Variants in DNAH10 observed in about 807,000 individuals in gnomAD.
The protein encoded by DNAH10 is dynein axonemal heavy chain 10, also known as axonemal beta dynein heavy chain 10.
DNAH10 carries 348 observed loss-of-function variants against 506.6 expected under a neutral mutation model. The ratio of observed to expected loss-of-function variants is 0.69; its 90% CI spans 0.63 to 0.75. The LOEUF (loss-of-function observed/expected upper bound fraction) is 0.75, where lower values mean the gene tolerates loss of function less well. DNAH10 is among the 30% of genes least tolerant of loss of function. The pLI, the probability that DNAH10 is intolerant of heterozygous loss-of-function variation, is 0.00. For synonymous variants in DNAH10, 2,059 were observed against 2,198.6 expected, an observed-to-expected ratio of 0.94 and a Z score of 1.78; for missense variants, 5,179 against 5,787.1, an observed-to-expected ratio of 0.89 and a Z score of 3.41.
At chr12:123,921,691 GTTTTTTTTTTTTTTTTTTTTTTTTTTTT>G (rs35553163) in intron 65 of DNAH10, among the ~76,000 whole-genome samples, 2 of 62,836 alleles carry the variant, frequency 3.2e-5, no homozygotes, top group Non-Finnish European at 5.7e-5. Flanking sequence ...GTAGCTTGCA[GTTTTTTTTTTTTTTTTTTTTTTTTTTTT>G]TTTTTTTTTT....
chr12:123,915,108 G>A, intron 62 of DNAH10, 109 bp downstream of exon 62: 1 of 1,385,412 alleles, frequency 7.2e-7, no homozygotes, highest in Non-Finnish European at 9.5e-7. Context: ...AGGCTGGGCT[G>A]AAATGCTTCC....
chr12:123,764,102 G>A (rs889336010), intron 1 of DNAH10, among the ~76,000 whole-genome samples: 1 of 152,278 alleles, frequency 6.6e-6, no homozygotes, highest in Admixed American at 6.5e-5. Context: ...CTGACCTAAA[G>A]TGATCTGCCC....
At chr12:123,789,090 A>T (rs1401687498) in intron 10 of DNAH10, among the ~76,000 whole-genome samples, 1 of 151,958 alleles carries the variant, frequency 6.6e-6, no homozygotes, top group Non-Finnish European at 1.5e-5. Context: ...TCTATGAAAA[A>T]TACAAAAATT....
At chr12:123,861,294 G>A in intron 39 of DNAH10, 124 bp downstream of exon 39, 1 of 1,256,894 alleles carries the variant, frequency 8.0e-7, no homozygotes, top group Non-Finnish European at 1.1e-6. Flanking sequence ...TTAGAGTCCA[G>A]TCTTGGAGGC....
At chr12:123,821,898 G>A (rs931296437) in intron 24 of DNAH10, among the ~76,000 whole-genome samples, 32 of 150,898 alleles carry the variant, frequency 2.1e-4, no homozygotes, top group African/African-American at 7.1e-4. Flanking sequence ...GCGAAACCCC[G>A]TTTCTACTAA....
chr12:123,862,851 A>T (rs1030121646), intron 39 of DNAH10, among the ~76,000 whole-genome samples: 4 of 152,300 alleles, frequency 2.6e-5, no homozygotes, highest in African/African-American at 9.6e-5. Flanking sequence ...GCTTATTCTT[A>T]GGAAATACTT....
intron 5 of DNAH10, among the ~76,000 whole-genome samples, chr12:123,778,694 T>A (rs1480079076): frequency 2.7e-5 from 4 of 150,082 alleles, no homozygotes; most frequent in African/African-American, 9.8e-5. Flanking sequence ...AGACTCCATC[T>A]CAAAAAAAAA....
intron 57 of DNAH10, among the ~76,000 whole-genome samples, chr12:123,905,718 G>A (rs192238120): frequency 6.6e-6 from 1 of 151,970 alleles, no homozygotes; most frequent in African/African-American, 2.4e-5. Flanking sequence ...TTGGGTCGTG[G>A]TTATTGTTGC....
chr12:123,874,261 G>GTCCATCCATCCATCCA (rs770389559), intron 46 of DNAH10, among the ~76,000 whole-genome samples: 1 of 123,102 alleles, frequency 8.1e-6, no homozygotes, highest in Non-Finnish European at 1.6e-5. Context: ...GCCAGAGTCC[G>GTCCATCCATCCATCCA]TCCGTCCATC....
At chr12:123,800,597 G>C (rs1272318477) in intron 15 of DNAH10, among the ~76,000 whole-genome samples, 1 of 150,322 alleles carries the variant, frequency 6.7e-6, no homozygotes, top group Non-Finnish European at 1.5e-5. Flanking sequence ...TAGGTGGGAG[G>C]ATTCCTTGAA....
Position 123,917,658 on chromosome 12 carries a change from C to T in DNAH10, c.11077C>T (p.Arg3693Trp), listed in dbSNP as rs61733847. 4.8e-4 allele frequency: 742 copies of T among 1,551,764 alleles called. 4 individuals carry two copies. The African/African-American group carries it at 8.9e-3, about 19-fold the overall frequency. Residue 3693 changes from arginine (R) to tryptophan (W), a missense_variant, in exon 64 of 79, where the codon CGG becomes TGG. Coordinates refer to ENST00000673944, the MANE Select transcript of DNAH10 (RefSeq NM_001372106.1). This position sits in a 1 kb window ranked among gnomAD's most constrained non-coding sequence, Gnocchi z 5.6. The stretch of plus-strand genomic sequence containing the variant: ...CGAGAGGCGGGAGCTGGAGGAGCAG[C>T]GGGAGCACCTCATCCAGGAGACCAG... ...AYERRELEEQ[R>W]EHLIQETSEN...
intron 14 of DNAH10, 32 bp from the exon 15 acceptor site, chr12:123,800,184 C>T: frequency 6.2e-7 from 1 of 1,605,708 alleles, no homozygotes; most frequent in Non-Finnish European, 8.5e-7. Flanking sequence ...TTGGACTGCC[C>T]TGGCCGCGCT....
At chr12:123,818,913 TTTG>T in intron 21 of DNAH10, 34 bp from the exon 22 acceptor site, 2 of 1,373,760 alleles carry the variant, frequency 1.5e-6, no homozygotes, top group Non-Finnish European at 1.0e-6. Flanking sequence ...TTGCTCATCA[TTTG>T]TTGTTTATTC....
At chr12:123,797,854 A>G (rs1958339264) in intron 13 of DNAH10, among the ~76,000 whole-genome samples, 1 of 152,240 alleles carries the variant, frequency 6.6e-6, no homozygotes. Context: ...TATGTTATAT[A>G]GCAGAGGCTG....
At chr12:123,849,023 T>C (rs367916240) in intron 34 of DNAH10, 141 bp downstream of exon 34, 13 of 1,067,920 alleles carry the variant, frequency 1.2e-5, no homozygotes, top group African/African-American at 1.6e-5. Flanking sequence ...GTTTTTCCAA[T>C]TGAGATGATT....
intron 5 of DNAH10, 78 bp from the exon 6 acceptor site, chr12:123,781,002 C>A: frequency 6.5e-5 from 58 of 887,864 alleles, no homozygotes; most frequent in East Asian, 1.9e-4. Flanking sequence ...AAAGAATATT[C>A]AAAACCAGAG....
intron 65 of DNAH10, among the ~76,000 whole-genome samples, chr12:123,920,915 G>A (rs1228917780): frequency 6.6e-6 from 1 of 152,148 alleles, no homozygotes; most frequent in Non-Finnish European, 1.5e-5. Flanking sequence ...GACTACAGGT[G>A]CATGCCACCA....
At chr12:123,910,717 A>G (rs1394907901) in intron 59 of DNAH10, 45 bp downstream of exon 59, 1 of 1,599,588 alleles carries the variant, frequency 6.3e-7, no homozygotes. Context: ...CAAGGGACCC[A>G]TTCAGAGTCA....
At chr12:123,870,636 C>G (rs1463939507) in intron 44 of DNAH10, among the ~76,000 whole-genome samples, 151 bp downstream of exon 44, 1 of 152,182 alleles carries the variant, frequency 6.6e-6, no homozygotes, top group Non-Finnish European at 1.5e-5. Flanking sequence ...GCTGTGGGCC[C>G]TCCTGGGCAT....
Sources: allele counts gnomAD v4.1 joint callset (sites outside exome capture counted in the v4.1 genomes callset), GRCh38; gene constraint gnomAD v4.1.1; non-coding constraint Gnocchi (gnomAD v3.1); transcripts MANE v1.5; gene names NCBI Gene and HGNC (gene_info 2026-07-23, HGNC 2026-07-21).